Variants in CSMD1 observed in about 807,000 individuals in gnomAD.
CSMD1 encodes the protein CUB and Sushi multiple domains 1.
A neutral mutation model predicts 417.5 loss-of-function variants in CSMD1; 213 were observed. The ratio of observed to expected loss-of-function variants is 0.51; its 90% CI spans 0.46 to 0.57. The LOEUF is 0.57. Among genes scored for constraint, CSMD1 ranks in the 20% least tolerant of loss-of-function variants. The pLI is 0.00. For synonymous variants in CSMD1, 2,862 were observed against 1,736.8 expected, an observed-to-expected ratio of 1.65 and a Z score of -16.11; for missense variants, 6,923 against 4,529.7, an observed-to-expected ratio of 1.53 and a Z score of -15.17.
chr8:3,381,225 T>G (rs1474379584), intron 18 of CSMD1, among the ~76,000 whole-genome samples: 1 of 151,924 alleles, frequency 6.6e-6, no homozygotes, highest in Non-Finnish European at 1.5e-5. Context: ...GTAAAACAAC[T>G]TGACAAGCCC....
chr8:3,727,604 T>G (rs76709791), intron 6 of CSMD1, among the ~76,000 whole-genome samples: 1 of 152,200 alleles, frequency 6.6e-6, no homozygotes, highest in African/African-American at 2.4e-5. Flanking sequence ...ATACTGCAAT[T>G]CGACTTTTGC....
intron 3 of CSMD1, among the ~76,000 whole-genome samples, chr8:4,253,075 G>A (rs10503244): frequency 0.034 from 5,200 of 152,302 alleles, 135 homozygotes; most frequent in African/African-American, 0.072. Flanking sequence ...CAAGCTCTTA[G>A]AGGAAAAAGA....
intron 7 of CSMD1, among the ~76,000 whole-genome samples, chr8:3,626,370 A>T (rs1796494136): frequency 6.6e-6 from 1 of 152,220 alleles, no homozygotes; most frequent in African/African-American, 2.4e-5. Context: ...GTCTCCTCAC[A>T]GTGAAAGTAG....
intron 11 of CSMD1, among the ~76,000 whole-genome samples, chr8:3,483,702 A>C (rs1194805217): frequency 6.6e-6 from 1 of 152,160 alleles, no homozygotes; most frequent in African/African-American, 2.4e-5. Context: ...AAAACTATAG[A>C]CCGATATCTT....
chr8:4,462,436 T>C (rs937808917), intron 2 of CSMD1, among the ~76,000 whole-genome samples: 1 of 152,096 alleles, frequency 6.6e-6, no homozygotes, highest in African/African-American at 2.4e-5. Flanking sequence ...GATTAGCAAA[T>C]TTAACATAAT....
chr8:3,196,860 C>T (rs1867509), intron 33 of CSMD1, among the ~76,000 whole-genome samples: 3 of 151,884 alleles, frequency 2.0e-5, no homozygotes, highest in Non-Finnish European at 4.4e-5. Flanking sequence ...TTCAACGGCA[C>T]GAAACTAAAG....
At position 3,667,587 on chromosome 8, in the gene CSMD1, C is replaced by A. The variant is rs560326077; in HGVS notation, c.1009+40827G>T. On this transcript the variant is annotated intron_variant, in intron 7 of 69. Coordinates refer to ENST00000635120, the MANE Select transcript of CSMD1 (RefSeq NM_033225.6). ...AAAGTCCTTGGAGACAACATAAACA[C>A]CTGAGATGATTTTGTGAGTGACAGA... is the stretch of plus-strand genomic sequence containing the variant. 3.3e-5 allele frequency among the ~76,000 whole-genome samples: 5 copies of A among 152,160 alleles called. No homozygotes were observed. In the South Asian group the frequency reaches 6.2e-4, roughly 19 times the overall value.
chr8:4,254,336 G>A (rs186325751), intron 3 of CSMD1, among the ~76,000 whole-genome samples: 5 of 152,200 alleles, frequency 3.3e-5, no homozygotes, highest in Admixed American at 6.5e-5. Context: ...TCGTTCTATG[G>A]AGAGTCTGCT....
At chr8:3,055,690 C>T (rs1812167433) in intron 49 of CSMD1, among the ~76,000 whole-genome samples, 1 of 152,118 alleles carries the variant, frequency 6.6e-6, no homozygotes, top group Non-Finnish European at 1.5e-5. Flanking sequence ...AGTAAAATTC[C>T]TCAGTTGTTT....
chr8:4,274,876 C>T (rs1796387617), intron 3 of CSMD1, among the ~76,000 whole-genome samples: 1 of 152,058 alleles, frequency 6.6e-6, no homozygotes, highest in South Asian at 2.1e-4. Context: ...ACTCAAGTAC[C>T]CAAAAGGTTT....
intron 12 of CSMD1, among the ~76,000 whole-genome samples, chr8:3,410,616 C>T (rs765516258): frequency 9.9e-5 from 15 of 152,218 alleles, no homozygotes; most frequent in African/African-American, 1.4e-4. Context: ...CCTCTCCAGC[C>T]ATGTGGAACT....
chr8:4,337,115 C>T (rs1009496507), intron 3 of CSMD1, among the ~76,000 whole-genome samples: 5 of 152,064 alleles, frequency 3.3e-5, no homozygotes, highest in East Asian at 1.9e-4. Flanking sequence ...TACAGGAGAC[C>T]GAAGCATTTA....
At chr8:4,243,468 C>T (rs1010865243) in intron 3 of CSMD1, among the ~76,000 whole-genome samples, 2 of 152,100 alleles carry the variant, frequency 1.3e-5, no homozygotes, top group African/African-American at 4.8e-5. Context: ...CGGCTTCTAG[C>T]CAGTATGTCT....
At chr8:4,388,303 TACAC>T (rs748455037) in intron 3 of CSMD1, among the ~76,000 whole-genome samples, 1 of 117,136 alleles carries the variant, frequency 8.5e-6, no homozygotes, top group African/African-American at 3.8e-5. Flanking sequence ...GAAACTGTGA[TACAC>T]ACACACACAC....
intron 3 of CSMD1, among the ~76,000 whole-genome samples, chr8:4,369,640 A>G (rs1352105972): frequency 6.6e-6 from 1 of 152,196 alleles, no homozygotes; most frequent in Non-Finnish European, 1.5e-5. Flanking sequence ...GAGTGACTTA[A>G]CTACTTAAAA....
At chr8:4,886,541 T>A (rs1017015774) in intron 1 of CSMD1, among the ~76,000 whole-genome samples, 3 of 151,956 alleles carry the variant, frequency 2.0e-5, no homozygotes, top group Non-Finnish European at 4.4e-5. Flanking sequence ...TTTCCTTCTC[T>A]TTTATTTTTT....
intron 3 of CSMD1, among the ~76,000 whole-genome samples, chr8:4,056,533 TTTATTA>T (rs1554430824): frequency 1.3e-5 from 2 of 151,456 alleles, no homozygotes; most frequent in South Asian, 2.1e-4. Flanking sequence ...TAATTTCAAT[TTTATTA>T]TTATTATTAT....
At chr8:4,808,974 T>C (rs1798743033) in intron 1 of CSMD1, among the ~76,000 whole-genome samples, 1 of 152,196 alleles carries the variant, frequency 6.6e-6, no homozygotes, top group African/African-American at 2.4e-5. Flanking sequence ...CAGAAAATCT[T>C]GTTTAAAATT....
At chr8:4,195,239 T>A (rs1026787963) in intron 3 of CSMD1, among the ~76,000 whole-genome samples, 3 of 152,200 alleles carry the variant, frequency 2.0e-5, no homozygotes, top group African/African-American at 7.2e-5. Context: ...GCAGATTTTT[T>A]AATTTGTTTT....
Sources: allele counts gnomAD v4.1 joint callset (sites outside exome capture counted in the v4.1 genomes callset), GRCh38; gene constraint gnomAD v4.1.1; transcripts MANE v1.5; gene names NCBI Gene and HGNC (gene_info 2026-07-23, HGNC 2026-07-21).